Variants in FGF13 observed in about 807,000 individuals in gnomAD.
The protein encoded by FGF13 is fibroblast growth factor homologous factor 2.
A neutral mutation model predicts 19.5 loss-of-function variants in FGF13; 2 were observed. That is an observed-to-expected ratio of 0.10 (90% CI 0.04 to 0.32). The LOEUF is 0.32. Among genes scored for constraint, FGF13 ranks in the 10% least tolerant of loss-of-function variants. FGF13 has a pLI of 1.00. For missense variants in FGF13, 113 were observed against 192.7 expected, an observed-to-expected ratio of 0.59 and a Z score of 2.45; for synonymous variants, 72 against 76.9, an observed-to-expected ratio of 0.94 and a Z score of 0.33.
intron 2 of FGF13, among the ~76,000 whole-genome samples, chrX:138,861,322 A>G (rs2091287221): frequency 8.9e-6 from 1 of 112,678 alleles, no homozygotes; most frequent in African/African-American, 3.2e-5. Flanking sequence ...AACCAATCTT[A>G]TAGTAAACCT....
chrX:139,182,808 A>C (rs183365765), intron 1 of FGF13, among the ~76,000 whole-genome samples: 70 of 112,221 alleles, frequency 6.2e-4, no homozygotes, highest in Non-Finnish European at 1.1e-3. Context: ...AAGCAAGTCC[A>C]TTCATTAAAA....
chrX:138,991,172 T>C (rs1654186570), intron 1 of FGF13, among the ~76,000 whole-genome samples: 1 of 112,067 alleles, frequency 8.9e-6, no homozygotes, highest in Non-Finnish European at 1.9e-5. Context: ...AGCTGTTAAG[T>C]GCTAATGGAT....
chrX:139,099,479 C>T lies in FGF13; in HGVS notation c.-113+103937G>A, dbSNP rs144721201. Among the ~76,000 whole-genome samples, 553 of 108,443 alleles carry T rather than the reference C, an allele frequency of 5.1e-3. 4 individuals are homozygous for T. Among genetic ancestry groups the T allele is most frequent in the African/African-American group, 0.018 (530 of 29,677 alleles). 94.2% of individuals were successfully genotyped at this position (108,443 alleles called of 115,157 possible). ...GGACAGTTGTTAGAGTACTGACAAA[C>T]GTAGGTAGGATCAATGGTTGTCCTT... On this transcript the variant is annotated intron_variant, in intron 1 of 2. Transcript: ENST00000421460.
chrX:138,757,268 C>T (rs1413300068), intron 3 of FGF13, among the ~76,000 whole-genome samples: 1 of 110,057 alleles, frequency 9.1e-6, no homozygotes, highest in East Asian at 2.9e-4. Context: ...CCCACCTCCC[C>T]ACCCTTTGAG....
At chrX:138,813,477 A>C (rs2090940996) in intron 3 of FGF13, among the ~76,000 whole-genome samples, 1 of 111,791 alleles carries the variant, frequency 8.9e-6, no homozygotes, top group South Asian at 3.7e-4. Flanking sequence ...AAGTTGAAAC[A>C]ACACCTGCCT....
chrX:138,746,462 T>A (rs1345610474), intron 3 of FGF13, among the ~76,000 whole-genome samples: 1 of 111,260 alleles, frequency 9.0e-6, no homozygotes, highest in Admixed American at 9.5e-5. Context: ...TTCCTAAAAG[T>A]AATTGGCTCT....
Position 139,085,221 on chromosome X carries a change from G to A in FGF13, c.-113+118195C>T, listed in dbSNP as rs146496317. ...AGAATACTTTACAATTCAAAAAAAG[G>A]ACTTGTCATACACTAGGAATAATAC... On this transcript the variant is annotated intron_variant, in intron 1 of 2. Coordinates refer to the FGF13 transcript ENST00000421460. Among the ~76,000 whole-genome samples the A allele has an allele frequency of 6.8e-3, 763 of 111,616 alleles. 8 individuals carry two copies. Among genetic ancestry groups the A allele is most frequent in the African/African-American group, 0.023 (710 of 30,652 alleles).
chrX:139,141,102 T>TACACACACACAC lies in FGF13; in HGVS notation c.-113+62302_-113+62313dup, dbSNP rs748785543. On this transcript the variant is annotated intron_variant, in intron 1 of 2. Transcript: ENST00000421460. The stretch of plus-strand genomic sequence containing the variant: ...ATAGATAGATAGATAGATAAGAGTG[T>TACACACACACAC]ACACACACACACACACACACACACA... Among the ~76,000 whole-genome samples the TACACACACACAC allele has an allele frequency of 3.6e-3, 351 of 97,190 alleles. 1 individual carries two copies. Among genetic ancestry groups the TACACACACACAC allele is most frequent in the African/African-American group, 0.013 (329 of 26,010 alleles). The allele number at this position is 97,190 out of a possible 115,157, so 84.4% of individuals were successfully genotyped here. A position where few individuals can be genotyped will look rare whatever the true frequency, so the allele number is the denominator to read the frequency against.
At chrX:138,855,510 C>T (rs962130613), downstream of FGF13, among the ~76,000 whole-genome samples, 1 of 111,418 alleles carries the variant, frequency 9.0e-6, no homozygotes, top group Non-Finnish European at 1.9e-5. Flanking sequence ...GCAGGAGGAC[C>T]TGGAAGGAGG....
chrX:139,026,883 C>T (rs1370422114), intron 1 of FGF13, among the ~76,000 whole-genome samples: 1 of 112,066 alleles, frequency 8.9e-6, no homozygotes, highest in Admixed American at 9.4e-5. Context: ...TAAAGAAAAC[C>T]AGTGGCAGAT....
chrX:138,716,400 A>G (rs2090101955), upstream of FGF13: 1 of 111,356 alleles, frequency 9.0e-6, no homozygotes, highest in African/African-American at 3.3e-5. Context: ...TGAGGAGTTT[A>G]GAGAAAAGCT....
intron 3 of FGF13, among the ~76,000 whole-genome samples, chrX:138,796,194 T>C (rs932278476): frequency 9.1e-6 from 1 of 110,497 alleles, no homozygotes; most frequent in African/African-American, 3.3e-5. Flanking sequence ...ATGCATTAGG[T>C]ATTTGTCCCA....
At chrX:138,966,240 T>G (rs1348547773) in intron 1 of FGF13, among the ~76,000 whole-genome samples, 1 of 111,790 alleles carries the variant, frequency 8.9e-6, no homozygotes, top group Non-Finnish European at 1.9e-5. Context: ...GCTACTGTCC[T>G]TCAGACCCCA....
chrX:139,055,554 A>G (rs766470727), intron 1 of FGF13, among the ~76,000 whole-genome samples: 97 of 112,539 alleles, frequency 8.6e-4, no homozygotes, highest in Non-Finnish European at 1.4e-3. Context: ...TGAGATGTCT[A>G]TGGTGTTAGC....
At chrX:138,950,143 C>A (rs190111486) in intron 1 of FGF13, among the ~76,000 whole-genome samples, 1 of 111,820 alleles carries the variant, frequency 8.9e-6, no homozygotes, top group Admixed American at 9.5e-5. Context: ...GCCAGGGATC[C>A]TCCTCTATGA....
At chrX:138,652,230 C>T (rs992144262) in intron 3 of FGF13, among the ~76,000 whole-genome samples, 1 of 111,453 alleles carries the variant, frequency 9.0e-6, no homozygotes, top group African/African-American at 3.3e-5. Context: ...TCCGCCTGAA[C>T]CTTCCCCTCT....
intron 1 of FGF13, among the ~76,000 whole-genome samples, chrX:139,101,892 G>C (rs189796785): frequency 8.0e-5 from 9 of 112,073 alleles, no homozygotes; most frequent in Admixed American, 1.9e-4. Flanking sequence ...GACTGGGCTG[G>C]GAGAATGGCT....
upstream of FGF13, among the ~76,000 whole-genome samples, chrX:138,742,518 C>T (rs1664708073): frequency 9.1e-6 from 1 of 110,479 alleles, no homozygotes; most frequent in African/African-American, 3.3e-5. Flanking sequence ...CTCTCTCTGC[C>T]AATTGACGAA....
intron 3 of FGF13, among the ~76,000 whole-genome samples, chrX:138,811,190 C>T (rs1214724554): frequency 9.0e-6 from 1 of 111,640 alleles, no homozygotes; most frequent in Non-Finnish European, 1.9e-5. Context: ...GACTTGGAAC[C>T]AACCCAAATG....
Sources: allele counts gnomAD v4.1 joint callset (sites outside exome capture counted in the v4.1 genomes callset), GRCh38; gene constraint gnomAD v4.1.1; transcripts MANE v1.5; gene names NCBI Gene and HGNC (gene_info 2026-07-23, HGNC 2026-07-21).